LMNTD1: variants seen among roughly 807,000 people sequenced by gnomAD.
LMNTD1 encodes the protein lamin tail domain-containing protein 1.
LMNTD1 carries 35 observed loss-of-function variants against 50.9 expected under a neutral mutation model. The observed-to-expected ratio is 0.69, with a 90% CI of 0.53 to 0.91. The LOEUF (loss-of-function observed/expected upper bound fraction) is 0.91, where lower values mean the gene tolerates loss of function less well. Ranked by LOEUF, LMNTD1 falls within the 40% of genes least tolerant of loss-of-function variation. LMNTD1 has a pLI of 0.00. For synonymous variants in LMNTD1, 153 were observed against 161.9 expected (o/e 0.94, Z 0.42); for missense variants, 470 against 475.5 (o/e 0.99, Z 0.11).
rs1414160096 is a variant in LMNTD1 at position 25,518,976 on chromosome 12, GA to G, written c.1017-10del. 6.3e-5 allele frequency: 101 copies of G among 1,612,606 alleles called. No homozygotes were observed. The highest frequency in any genetic ancestry group is 8.1e-5 in the Non-Finnish European group (95 of 1,179,562). ...GTGGGATTTCCTTCTCTCTGTAAAA[GA>G]AAAAAGCCTAAATGGAACTCAAAAG... On this transcript the variant is annotated splice_polypyrimidine_tract_variant and intron_variant, in intron 7 of 9. Coordinates refer to ENST00000458174, the MANE Select transcript of LMNTD1 (RefSeq NM_001145728.2).
intron 1 of LMNTD1, among the ~76,000 whole-genome samples, chr12:25,565,607 G>A (rs749207339): frequency 2.0e-5 from 3 of 152,120 alleles, no homozygotes; most frequent in Non-Finnish European, 2.9e-5. Context: ...GTCCTTCTAC[G>A]TAAGAGTAGC....
chr12:25,620,264 G>C (rs1191907558), intron 1 of LMNTD1, among the ~76,000 whole-genome samples: 3 of 152,026 alleles, frequency 2.0e-5, no homozygotes, highest in Non-Finnish European at 2.9e-5. Context: ...ACAAAAAAAG[G>C]CCTTTTTTAA....
intron 1 of LMNTD1, among the ~76,000 whole-genome samples, chr12:25,640,751 C>A (rs1425058948): frequency 6.6e-6 from 1 of 152,058 alleles, no homozygotes; most frequent in Non-Finnish European, 1.5e-5. Context: ...CAAGCTCCAC[C>A]TCCCGGGTTC....
chr12:25,597,127 G>A (rs909789986), intron 1 of LMNTD1, among the ~76,000 whole-genome samples: 7 of 151,798 alleles, frequency 4.6e-5, no homozygotes, highest in African/African-American at 1.7e-4. Flanking sequence ...TCACTAAAAG[G>A]AAGACAGAAA....
intron 1 of LMNTD1, among the ~76,000 whole-genome samples, chr12:25,597,203 AAT>A (rs1945860790): frequency 6.6e-6 from 1 of 152,056 alleles, no homozygotes; most frequent in Non-Finnish European, 1.5e-5. Flanking sequence ...TATAAATAAT[AAT>A]ATTGAATGTA....
intron 1 of LMNTD1, among the ~76,000 whole-genome samples, chr12:25,614,052 T>A (rs1316259967): frequency 1.3e-5 from 2 of 151,564 alleles, no homozygotes; most frequent in African/African-American, 2.4e-5. Context: ...TGATTATTAA[T>A]GTCAATTGCT....
chr12:25,527,783 CCTAT>C (rs1176254809), intron 4 of LMNTD1, among the ~76,000 whole-genome samples: 2 of 139,860 alleles, frequency 1.4e-5, no homozygotes, highest in East Asian at 4.2e-4. Context: ...TATTTGTCTA[CCTAT>C]CTCTGTATAT....
intron 1 of LMNTD1, among the ~76,000 whole-genome samples, chr12:25,628,973 G>A (rs1169432347): frequency 6.6e-6 from 1 of 152,192 alleles, no homozygotes; most frequent in African/African-American, 2.4e-5. Flanking sequence ...AAGGTGGTAT[G>A]AGAAGCTCTG....
At chr12:25,624,296 A>G (rs1946539208) in intron 1 of LMNTD1, among the ~76,000 whole-genome samples, 1 of 152,218 alleles carries the variant, frequency 6.6e-6, no homozygotes, top group Non-Finnish European at 1.5e-5. Flanking sequence ...TAATCCGAAT[A>G]CTGCCTACAA....
rs975566120 is a variant in LMNTD1 at position 25,612,955 on chromosome 12, T to A, written c.58+35539A>T. Among the ~76,000 whole-genome samples the A allele has an allele frequency of 1.2e-4, 18 of 152,250 alleles. No homozygotes were observed. The East Asian group carries it at 2.9e-3, about 25-fold the overall frequency. Reference sequence around the variant, plus strand: ...TCTTATAGGCAGACAGAGGGAGATCTGCTAGAAGAGGAAGAAGGCAATGGG... The same window carrying A: ...TCTTATAGGCAGACAGAGGGAGATCAGCTAGAAGAGGAAGAAGGCAATGGG... On this transcript the variant is annotated intron_variant, in intron 1 of 7. Coordinates refer to the LMNTD1 transcript ENST00000445693.
intron 9 of LMNTD1, among the ~76,000 whole-genome samples, chr12:25,488,887 T>G (rs983616142): frequency 2.9e-4 from 44 of 151,840 alleles, no homozygotes; most frequent in African/African-American, 5.3e-4. Context: ...ATACCCTGCC[T>G]TGTGAGGTGT....
intron 1 of LMNTD1, among the ~76,000 whole-genome samples, chr12:25,648,166 C>T (rs1181653341): frequency 5.9e-5 from 9 of 152,138 alleles, no homozygotes; most frequent in Non-Finnish European, 1.2e-4. Flanking sequence ...CTGTAGGATA[C>T]CTCTTTTTAC....
intron 1 of LMNTD1, among the ~76,000 whole-genome samples, chr12:25,640,782 C>T (rs187033265): frequency 2.0e-5 from 3 of 152,140 alleles, no homozygotes; most frequent in Admixed American, 2.0e-4. Flanking sequence ...CCTGCCTAAG[C>T]CTCCCGAGTA....
intron 9 of LMNTD1, among the ~76,000 whole-genome samples, chr12:25,501,997 T>C (rs578262737): frequency 1.3e-5 from 2 of 152,260 alleles, no homozygotes; most frequent in South Asian, 4.2e-4. Flanking sequence ...AAGTAAGGCA[T>C]CTTAGGAGGC....
chr12:25,567,434 T>C (rs1944599525), intron 1 of LMNTD1, among the ~76,000 whole-genome samples: 1 of 152,240 alleles, frequency 6.6e-6, no homozygotes, highest in Non-Finnish European at 1.5e-5. Flanking sequence ...ATGATTCCTA[T>C]ATGTGTTAAA....
At chr12:25,613,430 C>T (rs1946289895) in intron 1 of LMNTD1, among the ~76,000 whole-genome samples, 1 of 152,148 alleles carries the variant, frequency 6.6e-6, no homozygotes, top group Non-Finnish European at 1.5e-5. Context: ...TAAAACAATA[C>T]CTGATCAATC....
chr12:25,497,279 C>T (rs1265147547), intron 9 of LMNTD1, among the ~76,000 whole-genome samples: 1 of 152,056 alleles, frequency 6.6e-6, no homozygotes, highest in Non-Finnish European at 1.5e-5. Flanking sequence ...GAGACCGGCC[C>T]CTCCTCTTCC....
intron 1 of LMNTD1, among the ~76,000 whole-genome samples, chr12:25,563,117 A>G (rs1415510014): frequency 6.6e-6 from 1 of 151,470 alleles, no homozygotes; most frequent in African/African-American, 2.4e-5. Context: ...TGTTATTACC[A>G]ATCATCTGAA....
intron 3 of LMNTD1, among the ~76,000 whole-genome samples, chr12:25,547,986 G>A (rs1228214598): frequency 6.6e-6 from 1 of 151,706 alleles, no homozygotes; most frequent in Non-Finnish European, 1.5e-5. Context: ...CCATTACAAG[G>A]AGCCAAAGTT....
Sources: allele counts gnomAD v4.1 joint callset (sites outside exome capture counted in the v4.1 genomes callset), GRCh38; gene constraint gnomAD v4.1.1; transcripts MANE v1.5; gene names NCBI Gene and HGNC (gene_info 2026-07-23, HGNC 2026-07-21).